The following KARS1 variants were observed in gnomAD, a reference collection of about 807,000 sequenced individuals.
KARS1 encodes the protein lysyl-tRNA synthetase 1, also known as lysine--tRNA ligase.
KARS1 carries 50 observed loss-of-function variants against 63.9 expected under a neutral mutation model. The ratio of observed to expected loss-of-function variants is 0.78; its 90% CI spans 0.62 to 0.99. The LOEUF (loss-of-function observed/expected upper bound fraction) is 0.99. Ranked by LOEUF, KARS1 falls within the 50% of genes least tolerant of loss-of-function variation. The probability of loss-of-function intolerance (pLI) is 0.00; values close to 1 mark genes in which losing one functional copy is unlikely to be tolerated. For missense variants in KARS1, 816 were observed against 754.5 expected, an observed-to-expected ratio of 1.08 and a Z score of -0.95; for synonymous variants, 320 against 264.6, an observed-to-expected ratio of 1.21 and a Z score of -2.03.
At position 75,641,712 on chromosome 16, in the gene KARS1, C is replaced by G. The variant is rs1419572448; in HGVS notation, c.74G>C (p.Arg25Thr). ...EPKLSKNELK[R>T]RLKAEKKVAE... ...TACTTTCTTCTCAGCTTTCAGGCGT[C>G]TCTTCAGCTCACTGTTGGAAAGATG... Residue 25 changes from arginine to threonine, a missense_variant, in exon 2 of 14, where the codon AGA becomes ACA. Coordinates refer to ENST00000302445, the MANE Select transcript of KARS1 (RefSeq NM_005548.3). The G allele has an allele frequency of 1.2e-6, 2 of 1,613,902 alleles. No individual in the cohort carries two copies. The highest frequency in any genetic ancestry group is 1.1e-5 in the South Asian group (1 of 91,086).
intron 1 of KARS1, among the ~76,000 whole-genome samples, chr16:75,641,975 C>A (rs950257686): frequency 1.3e-5 from 2 of 152,118 alleles, no homozygotes; most frequent in African/African-American, 4.8e-5. Flanking sequence ...TTGCCAGTCT[C>A]AGGTCCTTGG....
chr16:75,642,836 CTG>C (rs1446457282), intron 1 of KARS1: 1 of 152,206 alleles, frequency 6.6e-6, no homozygotes, highest in Non-Finnish European at 1.5e-5. Flanking sequence ...AACTTCTCAC[CTG>C]TGAAACGAAA....
At chr16:75,640,087 C>T in intron 3 of KARS1, 97 bp downstream of exon 3, 1 of 1,008,340 alleles carries the variant, frequency 9.9e-7, no homozygotes, top group Non-Finnish European at 1.6e-6. Flanking sequence ...ACACAGGCTA[C>T]TTGAGAACAA....
chr16:75,629,375 G>C, intron 12 of KARS1, 40 bp downstream of exon 12: 1 of 1,612,874 alleles, frequency 6.2e-7, no homozygotes, highest in Admixed American at 1.7e-5. Context: ...GTATTTCCTG[G>C]TGAGTTGGCA....
intron 13 of KARS1, 27 bp from the exon 14 acceptor site, chr16:75,628,020 A>G (rs371823244): frequency 9.1e-5 from 120 of 1,322,610 alleles, no homozygotes; most frequent in Non-Finnish European, 1.3e-4. Flanking sequence ...TGTACCTTGA[A>G]GCTGAGAAGC....
chr16:75,628,788 T>C (rs2082079179), intron 12 of KARS1, 76 bp from the exon 13 acceptor site: 1 of 1,507,750 alleles, frequency 6.6e-7, no homozygotes, highest in Admixed American at 1.7e-5. Context: ...GTTACCAGGC[T>C]CCGAGGTGGG....
At chr16:75,645,139 G>C (rs1426890188) in intron 1 of KARS1, among the ~76,000 whole-genome samples, 1 of 152,158 alleles carries the variant, frequency 6.6e-6, no homozygotes, top group African/African-American at 2.4e-5. Context: ...GGCACAAAAT[G>C]GTGCTTACTA....
chr16:75,634,662 G>A (rs550923019), intron 6 of KARS1, among the ~76,000 whole-genome samples: 2 of 152,122 alleles, frequency 1.3e-5, no homozygotes, highest in African/African-American at 4.8e-5. Context: ...GGCAAGCTCC[G>A]CCTCCTGGGT....
At chr16:75,630,314 CACCACCCAGCAGAAAG>C (rs1478640388) in intron 11 of KARS1, 93 bp downstream of exon 11, 6 of 742,754 alleles carry the variant, frequency 8.1e-6, no homozygotes, top group Non-Finnish European at 1.4e-5. Flanking sequence ...CCCTGGTCAA[CACCACCCAGCAGAAAG>C]ACCACCAGTC....
At chr16:75,640,757 C>G (rs948594429) in intron 2 of KARS1, among the ~76,000 whole-genome samples, 2 of 152,206 alleles carry the variant, frequency 1.3e-5, no homozygotes, top group African/African-American at 2.4e-5. Context: ...GGCATGGGGC[C>G]TGGAGAATGT....
chr16:75,639,174 A>T (rs2082195739), intron 3 of KARS1, among the ~76,000 whole-genome samples: 1 of 152,302 alleles, frequency 6.6e-6, no homozygotes, highest in East Asian at 1.9e-4. Context: ...GCCTCAAAAA[A>T]ATAAAAATAA....
At chr16:75,645,107 T>C (rs1268791542) in intron 1 of KARS1, among the ~76,000 whole-genome samples, 1 of 152,220 alleles carries the variant, frequency 6.6e-6, no homozygotes, top group Non-Finnish European at 1.5e-5. Flanking sequence ...CACATCTGCT[T>C]TTAAACTTGG....
chr16:75,644,105 G>C (rs771205089), intron 1 of KARS1, among the ~76,000 whole-genome samples: 19 of 152,214 alleles, frequency 1.2e-4, no homozygotes, highest in Non-Finnish European at 2.6e-4. Context: ...AGACTCTAAG[G>C]AGAGACGATT....
intron 1 of KARS1, chr16:75,644,506 T>G: frequency 7.1e-7 from 1 of 1,415,322 alleles, no homozygotes; most frequent in Non-Finnish European, 9.6e-7. Context: ...GGACAGACAG[T>G]ATACATATAC....
At chr16:75,636,183 T>A (rs1298107641) in intron 4 of KARS1, 85 bp from the exon 5 acceptor site, 1 of 862,444 alleles carries the variant, frequency 1.2e-6, no homozygotes, top group Non-Finnish European at 1.9e-6. Context: ...CACTCAACTG[T>A]TAATACCTAG....
chr16:75,635,290 A>C (rs1341171223), intron 6 of KARS1: 1 of 310,242 alleles, frequency 3.2e-6, no homozygotes, highest in Non-Finnish European at 6.3e-6. Context: ...TTGGGTAGGG[A>C]AGTTAGTCAG....
In KARS1 at chr16:75,634,180, T is replaced by C. The variant is rs2151804187; in HGVS notation, c.908A>G (p.Tyr303Cys). ...TGTACTATTACTGACTACCTTATGA[T>C]AGAGTTCTGGAGCAATTCTCATATA... Reference protein sequence around the residue: ...NLYMRIAPELYHKMLVVGGID... With the variant: ...NLYMRIAPELCHKMLVVGGID... The change falls in exon 7 of 14, where the codon TAT becomes TGT. Residue 303 changes from tyrosine (Y) to cysteine (C), a missense_variant. Transcript: ENST00000302445. 6.2e-7 allele frequency: 1 copy of C among 1,613,964 alleles called. No homozygotes were observed. Among genetic ancestry groups the C allele is most frequent in the Non-Finnish European group, 8.5e-7 (1 of 1,179,844 alleles).
intron 7 of KARS1, among the ~76,000 whole-genome samples, chr16:75,632,507 T>C (rs1158120836): frequency 6.6e-6 from 1 of 152,304 alleles, no homozygotes; most frequent in African/African-American, 2.4e-5. Flanking sequence ...GCATGGAAAC[T>C]ACTAACAAAA....
chr16:75,639,072 G>A (rs1180286572), intron 3 of KARS1, among the ~76,000 whole-genome samples: 3 of 152,054 alleles, frequency 2.0e-5, no homozygotes, highest in Non-Finnish European at 2.9e-5. Flanking sequence ...GGAGGCTGAG[G>A]CAGGAGAATC....
Sources: gnomAD v4.1 joint callset for allele counts (sites outside exome capture counted in the v4.1 genomes callset) on GRCh38, gnomAD v4.1.1 for gene constraint, MANE v1.5 for transcripts, NCBI Gene and HGNC (gene_info 2026-07-23, HGNC 2026-07-21) for gene names.